CNBD1: variants seen among roughly 807,000 people sequenced by gnomAD.
The protein encoded by CNBD1 is cyclic nucleotide-binding domain-containing protein 1.
In CNBD1, 71 loss-of-function variants were observed where a neutral mutation model predicts 54.4. The ratio of observed to expected loss-of-function variants is 1.30; its 90% CI spans 1.08 to 1.59. CNBD1 has a LOEUF of 1.59. Ranked by LOEUF, CNBD1 falls within the 40% of genes most tolerant of loss-of-function variation. The pLI is 0.00. For synonymous variants in CNBD1, 182 were observed against 170.7 expected (o/e 1.07, Z -0.51); for missense variants, 659 against 518.0 (o/e 1.27, Z -2.64).
intron 8 of CNBD1, among the ~76,000 whole-genome samples, chr8:87,347,138 C>T (rs1035739752): frequency 6.6e-6 from 1 of 152,160 alleles, no homozygotes; most frequent in Admixed American, 6.6e-5. Context: ...CACCGCCAGA[C>T]AGATACAACT....
intron 5 of CNBD1, among the ~76,000 whole-genome samples, chr8:87,217,502 CAACA>C (rs1331295544): frequency 1.3e-5 from 2 of 149,132 alleles, no homozygotes; most frequent in Non-Finnish European, 3.0e-5. Context: ...CTAATCTAGA[CAACA>C]AACATGGAAA....
chr8:86,957,911 A>G (rs1172135010), intron 4 of CNBD1, among the ~76,000 whole-genome samples: 3 of 151,940 alleles, frequency 2.0e-5, no homozygotes, highest in African/African-American at 7.3e-5. Flanking sequence ...AGTTCTTTTA[A>G]TTGTGAAGTT....
In CNBD1 at chr8:86,879,186, T is replaced by C. The variant is rs139743496; in HGVS notation, c.89-8356T>C. Among the ~76,000 whole-genome samples the C allele has an allele frequency of 5.5e-3, 836 of 152,258 alleles. 11 individuals carry two copies. The highest frequency in any genetic ancestry group is 0.019 in the African/African-American group (775 of 41,580). ...CACCTGACAAATTAGAGTCACATTATTATTATTTATTCATTATAATTTACT... is the reference window on the plus strand; with the variant it reads ...CACCTGACAAATTAGAGTCACATTACTATTATTTATTCATTATAATTTACT... On this transcript the variant is annotated intron_variant, in intron 1 of 10. Coordinates refer to ENST00000518476, the MANE Select transcript of CNBD1 (RefSeq NM_173538.3).
At position 87,167,534 on chromosome 8, in the gene CNBD1, TAGAC is replaced by T. The variant is rs560209680; in HGVS notation, c.432-38455_432-38452del. Among the ~76,000 whole-genome samples, 23 of 151,982 alleles carry T rather than the reference TAGAC, an allele frequency of 1.5e-4. No homozygotes were observed. In the South Asian group the frequency reaches 4.1e-3, roughly 27 times the overall value. The stretch of plus-strand genomic sequence containing the variant: ...GTGCACCAAATATCAAAATTTTAAA[TAGAC>T]AGAATTTTTATGACACTGCATTTTT... On this transcript the variant is annotated intron_variant, in intron 4 of 10. Coordinates refer to ENST00000518476, the MANE Select transcript of CNBD1 (RefSeq NM_173538.3).
intron 6 of CNBD1, among the ~76,000 whole-genome samples, chr8:87,267,371 A>G (rs1286186894): frequency 6.6e-6 from 1 of 152,176 alleles, no homozygotes; most frequent in Non-Finnish European, 1.5e-5. Flanking sequence ...ATGAAAAAAA[A>G]TTAGACAATA....
intron 4 of CNBD1, among the ~76,000 whole-genome samples, chr8:87,029,728 G>T (rs1277480407): frequency 1.3e-5 from 2 of 152,014 alleles, no homozygotes; most frequent in African/African-American, 4.8e-5. Context: ...GAAAAAAAAT[G>T]GATCACTGGG....
At chr8:87,041,305 C>A (rs1254023168) in intron 4 of CNBD1, among the ~76,000 whole-genome samples, 1 of 152,070 alleles carries the variant, frequency 6.6e-6, no homozygotes, top group Non-Finnish European at 1.5e-5. Context: ...ATGGATATCC[C>A]TGAGCAATGT....
intron 3 of CNBD1, among the ~76,000 whole-genome samples, chr8:86,931,847 G>A (rs1809462998): frequency 1.3e-5 from 2 of 152,176 alleles, no homozygotes; most frequent in African/African-American, 4.8e-5. Context: ...TCCCCTAGCT[G>A]CTTGAGGAAA....
chr8:87,186,178 T>G (rs1243314193), intron 4 of CNBD1, among the ~76,000 whole-genome samples: 1 of 152,152 alleles, frequency 6.6e-6, no homozygotes, highest in Non-Finnish European at 1.5e-5. Flanking sequence ...CTATAGTAAT[T>G]TGGATTGACA....
chr8:87,279,207 T>C (rs1266964913), intron 6 of CNBD1, among the ~76,000 whole-genome samples: 3 of 151,456 alleles, frequency 2.0e-5, no homozygotes, highest in Admixed American at 6.6e-5. Flanking sequence ...GACACTGTAA[T>C]TTAGGGTACA....
intron 10 of CNBD1, among the ~76,000 whole-genome samples, chr8:87,370,933 G>T (rs1810773038): frequency 6.6e-6 from 1 of 151,082 alleles, no homozygotes; most frequent in Non-Finnish European, 1.5e-5. Context: ...TCCAGTTTCA[G>T]CTTTCTACAT....
chr8:87,424,664 C>A (rs1808012894), intron 2 of CNBD1, among the ~76,000 whole-genome samples: 1 of 152,162 alleles, frequency 6.6e-6, no homozygotes, highest in Non-Finnish European at 1.5e-5. Flanking sequence ...TCTCTTCTGG[C>A]TTGTACGGTT....
chr8:87,106,836 A>AT (rs1365395321), intron 4 of CNBD1, among the ~76,000 whole-genome samples: 14 of 151,714 alleles, frequency 9.2e-5, no homozygotes, highest in African/African-American at 3.1e-4. Flanking sequence ...TTATTTATTT[A>AT]TTTTTTATTT....
intron 8 of CNBD1, among the ~76,000 whole-genome samples, chr8:87,328,679 T>G (rs1809746230): frequency 6.6e-6 from 1 of 152,140 alleles, no homozygotes; most frequent in Non-Finnish European, 1.5e-5. Context: ...CATCAAATCT[T>G]TAGATTACTT....
At chr8:87,295,940 C>T (rs1390566850) in intron 8 of CNBD1, among the ~76,000 whole-genome samples, 2 of 151,660 alleles carry the variant, frequency 1.3e-5, no homozygotes, top group Non-Finnish European at 2.9e-5. Context: ...CTAAAATTTC[C>T]AAAGTAGAAC....
chr8:87,217,889 C>A (rs1814247390), intron 5 of CNBD1, among the ~76,000 whole-genome samples: 1 of 152,016 alleles, frequency 6.6e-6, no homozygotes, highest in Non-Finnish European at 1.5e-5. Flanking sequence ...GGTATTTAAA[C>A]AAATTTTAAA....
chr8:87,416,586 A>G (rs992931768), intron 2 of CNBD1, among the ~76,000 whole-genome samples: 1 of 152,008 alleles, frequency 6.6e-6, no homozygotes, highest in African/African-American at 2.4e-5. Context: ...CCAGACAAGC[A>G]TCCTTCTCTT....
chr8:87,310,356 A>C (rs1307395820), intron 8 of CNBD1, among the ~76,000 whole-genome samples: 1 of 152,080 alleles, frequency 6.6e-6, no homozygotes, highest in Non-Finnish European at 1.5e-5. Context: ...CACTGTCTTA[A>C]AAAAATGCAA....
In CNBD1 at chr8:86,978,105, G is replaced by T. The variant is rs115795832; in HGVS notation, c.431+38351G>T. Among the ~76,000 whole-genome samples, 671 of 152,194 alleles carry T rather than the reference G, an allele frequency of 4.4e-3. 3 individuals carry two copies. The highest frequency in any genetic ancestry group is 0.016 in the African/African-American group (646 of 41,532). The stretch of plus-strand genomic sequence containing the variant: ...TTTTAATGTCTACTTTCAAAAGATT[G>T]GAATGTACTGTATCACTCTCCTTAT... On this transcript the variant is annotated intron_variant, in intron 4 of 10. Coordinates refer to ENST00000518476, the MANE Select transcript of CNBD1 (RefSeq NM_173538.3).
Sources: allele counts gnomAD v4.1 joint callset (sites outside exome capture counted in the v4.1 genomes callset), GRCh38; gene constraint gnomAD v4.1.1; transcripts MANE v1.5; gene names NCBI Gene and HGNC (gene_info 2026-07-23, HGNC 2026-07-21).